The following SMYD3 variants were observed in gnomAD, a reference collection of about 807,000 sequenced individuals.
SMYD3 encodes SET and MYND domain containing 3, also known as histone-lysine N-methyltransferase SMYD3.
Under a neutral mutation model 57.7 loss-of-function variants are expected in SMYD3, and 36 were observed. That is an observed-to-expected ratio of 0.62 (90% confidence interval 0.48 to 0.82). The LOEUF is 0.82. Ranked by LOEUF, SMYD3 falls within the 40% of genes least tolerant of loss-of-function variation. SMYD3 has a pLI of 0.00. For missense variants in SMYD3, 515 were observed against 538.8 expected, an observed-to-expected ratio of 0.96 and a Z score of 0.44; for synonymous variants, 211 against 195.0, an observed-to-expected ratio of 1.08 and a Z score of -0.68.
intron 5 of SMYD3, among the ~76,000 whole-genome samples, chr1:246,031,260 C>T (rs1001881786): frequency 1.3e-5 from 2 of 151,994 alleles, no homozygotes; most frequent in African/African-American, 4.8e-5. Context: ...ATCTTGGTAG[C>T]AAACTAGTTG....
At chr1:246,246,207 T>C (rs2063701324) in intron 5 of SMYD3, among the ~76,000 whole-genome samples, 1 of 152,142 alleles carries the variant, frequency 6.6e-6, no homozygotes, top group South Asian at 2.1e-4. Flanking sequence ...TTTCTTTAGT[T>C]AAAAAAATTA....
chr1:246,506,140 G>A (rs1177116820), intron 1 of SMYD3, among the ~76,000 whole-genome samples: 1 of 152,100 alleles, frequency 6.6e-6, no homozygotes, highest in African/African-American at 2.4e-5. Context: ...TCTGAAAAGC[G>A]GCCATGCACA....
chr1:246,301,965 C>T (rs2148615617), intron 5 of SMYD3, among the ~76,000 whole-genome samples: 1 of 152,232 alleles, frequency 6.6e-6, no homozygotes, highest in East Asian at 1.9e-4. Context: ...TCATCCCTTC[C>T]TCATTATCTG....
chr1:246,340,724 T>G (rs1288793990), intron 2 of SMYD3, among the ~76,000 whole-genome samples: 1 of 152,158 alleles, frequency 6.6e-6, no homozygotes, highest in Non-Finnish European at 1.5e-5. Flanking sequence ...AGTAATTTAT[T>G]TTAAAAAATT....
At chr1:246,396,934 T>C (rs1361590344) in intron 1 of SMYD3, among the ~76,000 whole-genome samples, 2 of 152,224 alleles carry the variant, frequency 1.3e-5, no homozygotes, top group Non-Finnish European at 2.9e-5. Flanking sequence ...GTACAAAAAC[T>C]ACGGCTTAAC....
intron 10 of SMYD3, among the ~76,000 whole-genome samples, chr1:245,846,967 C>T (rs2050697109): frequency 6.6e-6 from 1 of 152,134 alleles, no homozygotes; most frequent in Non-Finnish European, 1.5e-5. Flanking sequence ...TCATCTGTTT[C>T]CCTCTTTGCA....
At chr1:246,341,106 T>C (rs1378352890) in intron 2 of SMYD3, among the ~76,000 whole-genome samples, 1 of 152,250 alleles carries the variant, frequency 6.6e-6, no homozygotes, top group Non-Finnish European at 1.5e-5. Context: ...TAGCTTTCCA[T>C]TACTATTTAA....
chr1:246,488,327 G>A (rs992491699), intron 1 of SMYD3, among the ~76,000 whole-genome samples: 1 of 152,192 alleles, frequency 6.6e-6, no homozygotes, highest in African/African-American at 2.4e-5. Flanking sequence ...AAGAAATTCA[G>A]TCAAAAAGCA....
At chr1:246,380,419 C>T (rs1053221926) in intron 1 of SMYD3, among the ~76,000 whole-genome samples, 3 of 152,112 alleles carry the variant, frequency 2.0e-5, no homozygotes, top group African/African-American at 7.2e-5. Context: ...ATCTATTTCC[C>T]CCCAGAGAAA....
At chr1:246,374,888 T>A (rs543272152) in intron 1 of SMYD3, among the ~76,000 whole-genome samples, 2 of 151,356 alleles carry the variant, frequency 1.3e-5, no homozygotes, top group African/African-American at 4.9e-5. Flanking sequence ...AGGTCAGGAG[T>A]TCAACACCAG....
At chr1:246,199,331 C>T (rs2062874730) in intron 5 of SMYD3, among the ~76,000 whole-genome samples, 2 of 152,120 alleles carry the variant, frequency 1.3e-5, no homozygotes, top group African/African-American at 4.8e-5. Flanking sequence ...GGACAGGGAA[C>T]CTGATATTTC....
chr1:246,361,180 C>G (rs909249790), intron 1 of SMYD3, among the ~76,000 whole-genome samples: 6 of 152,084 alleles, frequency 3.9e-5, no homozygotes, highest in Non-Finnish European at 7.4e-5. Flanking sequence ...AAATGGCCAA[C>G]AAGCATATGG....
chr1:245,862,069 G>A (rs1252825327), intron 9 of SMYD3, among the ~76,000 whole-genome samples: 2 of 141,926 alleles, frequency 1.4e-5, no homozygotes, highest in African/African-American at 2.5e-5. Context: ...CATGAGCAGG[G>A]ACCTCCTGCT....
chr1:246,009,503 T>C (rs560603493), intron 5 of SMYD3, among the ~76,000 whole-genome samples: 1 of 152,328 alleles, frequency 6.6e-6, no homozygotes, highest in South Asian at 2.1e-4. Flanking sequence ...CTTTGTAACA[T>C]GTATGTGTGT....
At chr1:246,354,818 A>G (rs905546764) in intron 2 of SMYD3, among the ~76,000 whole-genome samples, 1 of 152,086 alleles carries the variant, frequency 6.6e-6, no homozygotes, top group Non-Finnish European at 1.5e-5. Context: ...GTAGACATAT[A>G]CACACACACA....
At chr1:245,827,131 CTG>C (rs1268649542) in intron 10 of SMYD3, among the ~76,000 whole-genome samples, 1 of 152,216 alleles carries the variant, frequency 6.6e-6, no homozygotes, top group African/African-American at 2.4e-5. Context: ...AGGGTTATGA[CTG>C]TGATCTGTAG....
chr1:246,051,076 A>C (rs2060058612), intron 5 of SMYD3, among the ~76,000 whole-genome samples: 1 of 152,100 alleles, frequency 6.6e-6, no homozygotes, highest in Non-Finnish European at 1.5e-5. Context: ...TATTCTTTGG[A>C]AAGATGAGAT....
chr1:245,782,240 A>G (rs1383865075), intron 10 of SMYD3, among the ~76,000 whole-genome samples: 2 of 152,190 alleles, frequency 1.3e-5, no homozygotes, highest in Non-Finnish European at 2.9e-5. Flanking sequence ...TTGTCTCCAG[A>G]GGAGCCCCTG....
At chr1:245,999,480 T>C (rs1311894953) in intron 5 of SMYD3, among the ~76,000 whole-genome samples, 1 of 152,054 alleles carries the variant, frequency 6.6e-6, no homozygotes, top group Non-Finnish European at 1.5e-5. Flanking sequence ...TTGCCCAAGA[T>C]CACAGAGCAA....
Sources: gnomAD v4.1 joint callset for allele counts (sites outside exome capture counted in the v4.1 genomes callset) on GRCh38, gnomAD v4.1.1 for gene constraint, MANE v1.5 for transcripts, NCBI Gene and HGNC (gene_info 2026-07-23, HGNC 2026-07-21) for gene names.